The following ATP2B1 variants were observed in gnomAD, a reference collection of about 807,000 sequenced individuals.
ATP2B1 encodes plasma membrane calcium-transporting ATPase 1.
A neutral mutation model predicts 124.2 loss-of-function variants in ATP2B1; 14 were observed. That is an observed-to-expected ratio of 0.11 (90% CI 0.07 to 0.18). The LOEUF (loss-of-function observed/expected upper bound fraction) is 0.18. ATP2B1 is among the 10% of genes least tolerant of loss of function. The probability of loss-of-function intolerance (pLI) is 1.00; values close to 1 mark genes in which losing one functional copy is unlikely to be tolerated. For synonymous variants in ATP2B1, 449 were observed against 492.4 expected (o/e 0.91, Z 1.17); for missense variants, 763 against 1,466.1 (o/e 0.52, Z 7.83).
At chr12:89,663,709 A>G (rs746062632) in intron 1 of ATP2B1, among the ~76,000 whole-genome samples, 2 of 152,188 alleles carry the variant, frequency 1.3e-5, no homozygotes, top group African/African-American at 4.8e-5. Flanking sequence ...CTTCCAGGTG[A>G]CCATTGATCC....
At chr12:89,594,097 C>T (rs949535644) in intron 20 of ATP2B1, 1 of 152,006 alleles carries the variant, frequency 6.6e-6, no homozygotes, top group African/African-American at 2.4e-5. Context: ...TAGGCCAGTT[C>T]AGCAATGCTC....
chr12:89,709,212 C>A (rs1892924859), upstream of ATP2B1: 1 of 151,238 alleles, frequency 6.6e-6, no homozygotes, highest in Non-Finnish European at 1.5e-5. Flanking sequence ...GGGAGGAGAA[C>A]GCTCACCCGT....
chr12:89,661,655 C>T (rs979250573), intron 1 of ATP2B1, among the ~76,000 whole-genome samples: 10 of 152,148 alleles, frequency 6.6e-5, no homozygotes, highest in Admixed American at 1.3e-4. Flanking sequence ...ATTAGATGCA[C>T]CATTTGACTA....
rs535215803 is a variant in ATP2B1, at chr12:89,699,397, C to T, written c.-222+9199G>A. Reference sequence around the variant, plus strand: ...TGTATTTATCTTCATAAATCAAACACGGTGTATCACAGACGAAACGTCAAA... The same window carrying T: ...TGTATTTATCTTCATAAATCAAACATGGTGTATCACAGACGAAACGTCAAA... On this transcript the variant is annotated intron_variant, in intron 1 of 20. Transcript: ENST00000428670. Among the ~76,000 whole-genome samples the T allele has an allele frequency of 3.3e-5, 5 of 152,216 alleles. No individual in the cohort carries two copies. In the East Asian group the frequency reaches 5.8e-4, roughly 18 times the overall value.
intron 1 of ATP2B1, among the ~76,000 whole-genome samples, chr12:89,674,430 T>C (rs1007004229): frequency 6.6e-6 from 1 of 151,562 alleles, no homozygotes; most frequent in African/African-American, 2.4e-5. Context: ...AAGGCAGTAT[T>C]AGAAACAAAT....
chr12:89,604,401 T>C (rs552582957), intron 15 of ATP2B1, 55 bp from the exon 16 acceptor site: 10 of 1,401,376 alleles, frequency 7.1e-6, no homozygotes, highest in African/African-American at 1.5e-5. Context: ...AACTTTCAAA[T>C]AGTCAAAAAA....
At chr12:89,659,846 C>A (rs1384099731) in intron 1 of ATP2B1, among the ~76,000 whole-genome samples, 3 of 150,514 alleles carry the variant, frequency 2.0e-5, no homozygotes, top group Non-Finnish European at 4.4e-5. Context: ...TGGTGTGAAC[C>A]CAGGAGGCAG....
chr12:89,627,653 T>C, intron 7 of ATP2B1, 25 bp downstream of exon 7: 1 of 1,611,154 alleles, frequency 6.2e-7, no homozygotes, highest in Non-Finnish European at 8.5e-7. Flanking sequence ...ACAAGCTCAC[T>C]GTACTTTTGT....
At chr12:89,619,901 C>T in intron 11 of ATP2B1, 98 bp downstream of exon 11, 3 of 1,467,282 alleles carry the variant, frequency 2.0e-6, no homozygotes, top group South Asian at 2.7e-5. Context: ...TATCAAATGC[C>T]TGATGTTCAC....
chr12:89,625,784 A>G (rs1712819717), intron 8 of ATP2B1, among the ~76,000 whole-genome samples: 2 of 152,182 alleles, frequency 1.3e-5, no homozygotes, highest in African/African-American at 2.4e-5. Flanking sequence ...CTATTAGATA[A>G]TAAGTGTACT....
chr12:89,611,067 G>T, intron 13 of ATP2B1, 126 bp downstream of exon 13: 2 of 853,958 alleles, frequency 2.3e-6, no homozygotes, highest in Non-Finnish European at 3.4e-6. Context: ...GCTTCCTAAG[G>T]TATAGACTGC....
rs370217155 is a variant in ATP2B1, at chr12:89,604,174, G to A, written c.2615C>T (p.Thr872Met). 9 of 1,613,620 alleles carry A rather than the reference G, an allele frequency of 5.6e-6. No homozygotes were observed. Among genetic ancestry groups the A allele is most frequent in the African/African-American group, 4.0e-5 (3 of 74,902 alleles). ...VNVVAVIVAFTGACITQDSPL... is the reference protein window; with the variant it reads ...VNVVAVIVAFMGACITQDSPL... ...ACCTACTTGAGTAATGCAGGCGCCC[G>A]TAAAAGCAACAATCACTGCTACTAC... The change falls in exon 16 of 21, where the codon ACG (threonine) becomes ATG (methionine). Residue 872 changes from threonine to methionine, a missense_variant. Physicochemically the swap from Thr to Met is moderately conservative, Grantham distance 81. Transcript: ENST00000428670.
chr12:89,591,064 G>A lies in ATP2B1; in HGVS notation c.3583C>T (p.His1195Tyr). Residue 1195 changes from histidine to tyrosine, a missense_variant, in exon 21 of 21, where the codon CAC becomes TAC. His to Tyr is a moderately conservative substitution (Grantham distance 83). Coordinates refer to ENST00000428670, the MANE Select transcript of ATP2B1 (RefSeq NM_001366521.1). ...GACTTGTTCATTTCTATTGTAAGGT[G>A]AATTCCACTGTCAACAGCATTGTTA... ...KNNNAVDSGIHLTIEMNKSAT... is the reference protein window; with the variant it reads ...KNNNAVDSGIYLTIEMNKSAT... 2 of 1,613,272 alleles carry A rather than the reference G, an allele frequency of 1.2e-6. No homozygotes were observed. The highest frequency in any genetic ancestry group is 1.3e-5 in the African/African-American group (1 of 74,964).
At position 89,596,031 on chromosome 12, in the gene ATP2B1, G is replaced by A. The variant is rs544918146; in HGVS notation, c.3351+3086C>T. On this transcript the variant is annotated intron_variant, in intron 20 of 20. Transcript: ENST00000428670. The stretch of plus-strand genomic sequence containing the variant: ...AAGAGCCTGGGATGGAAAAAAAGAT[G>A]CCTGGGTGCAGAGGTGTGTGCATAT... Among the ~76,000 whole-genome samples, 4 of 152,144 alleles carry A rather than the reference G, an allele frequency of 2.6e-5. No homozygotes were observed. The South Asian group carries it at 8.3e-4, about 32-fold the overall frequency.
intron 2 of ATP2B1, among the ~76,000 whole-genome samples, chr12:89,643,089 C>T (rs1592837846): frequency 1.3e-5 from 2 of 148,420 alleles, no homozygotes; most frequent in Admixed American, 6.7e-5. Context: ...CACACACACA[C>T]ACATATATAC....
At chr12:89,595,671 A>C (rs1048182859) in intron 20 of ATP2B1, among the ~76,000 whole-genome samples, 41 of 152,088 alleles carry the variant, frequency 2.7e-4, no homozygotes, top group Non-Finnish European at 5.9e-5. Flanking sequence ...AAATATATTA[A>C]CATAGTTCTA....
chr12:89,676,653 T>C (rs1888644311), intron 1 of ATP2B1, among the ~76,000 whole-genome samples: 1 of 152,074 alleles, frequency 6.6e-6, no homozygotes, highest in Admixed American at 6.6e-5. Context: ...AACAGGATAA[T>C]AAAGTAGTAT....
At chr12:89,629,908 A>T (rs2136152892) in intron 6 of ATP2B1, among the ~76,000 whole-genome samples, 1 of 152,016 alleles carries the variant, frequency 6.6e-6, no homozygotes. Flanking sequence ...TGTGTATAAC[A>T]GTTTCTTGTA....
At chr12:89,668,744 T>G (rs1887588089) in intron 1 of ATP2B1, among the ~76,000 whole-genome samples, 1 of 152,188 alleles carries the variant, frequency 6.6e-6, no homozygotes, top group Non-Finnish European at 1.5e-5. Context: ...GAGGAGGTAC[T>G]GATACTGACA....
Sources: gnomAD v4.1 joint callset for allele counts (sites outside exome capture counted in the v4.1 genomes callset) on GRCh38, gnomAD v4.1.1 for gene constraint, MANE v1.5 for transcripts, NCBI Gene and HGNC (gene_info 2026-07-23, HGNC 2026-07-21) for gene names.